TM7SF3: variants seen among roughly 807,000 people sequenced by gnomAD.
TM7SF3 encodes the protein seven span transmembrane protein.
Under a neutral mutation model 65.5 loss-of-function variants are expected in TM7SF3, and 60 were observed. That is an observed-to-expected ratio of 0.92 (90% CI 0.74 to 1.14). The LOEUF is 1.14. Among genes scored for constraint, TM7SF3 ranks in the 50% most tolerant of loss-of-function variants. The pLI is 0.00. For synonymous variants in TM7SF3, 264 were observed against 259.6 expected (o/e 1.02, Z -0.16); for missense variants, 623 against 684.8 (o/e 0.91, Z 1.01).
chr12:26,987,430 C>T (rs903298993), intron 6 of TM7SF3, among the ~76,000 whole-genome samples: 3 of 152,192 alleles, frequency 2.0e-5, no homozygotes, highest in African/African-American at 7.2e-5. Flanking sequence ...TCAAACCCCT[C>T]ATCCAATCCA....
chr12:26,977,999 T>G (rs1592271376), intron 9 of TM7SF3: 2 of 392,846 alleles, frequency 5.1e-6, no homozygotes, highest in Middle Eastern at 7.9e-4. Context: ...GGGAGGCTGA[T>G]GTAAGAGGAT....
intron 5 of TM7SF3, 118 bp downstream of exon 5, chr12:26,995,119 G>A (rs1217181768): frequency 2.0e-6 from 2 of 1,005,468 alleles, no homozygotes; most frequent in South Asian, 3.3e-5. Context: ...AGAATAAAGT[G>A]AGTGTCCCCC....
At chr12:26,985,298 A>C (rs1592281058) in intron 6 of TM7SF3, among the ~76,000 whole-genome samples, 1 of 152,076 alleles carries the variant, frequency 6.6e-6, no homozygotes, top group Non-Finnish European at 1.5e-5. Flanking sequence ...GGAGTTCAAG[A>C]CCAGCCTGGC....
intron 8 of TM7SF3, 156 bp from the exon 9 acceptor site, chr12:26,980,092 C>A (rs1237290537): frequency 1.6e-5 from 13 of 834,606 alleles, no homozygotes; most frequent in Non-Finnish European, 2.2e-5. Context: ...ATAGAGCAAC[C>A]CTCTCTAGGG....
At chr12:26,996,269 A>G (rs1354076431) in intron 4 of TM7SF3, among the ~76,000 whole-genome samples, 1 of 152,236 alleles carries the variant, frequency 6.6e-6, no homozygotes. Flanking sequence ...CCTTCTTCAT[A>G]AAATTGTTAG....
At chr12:26,995,655 AC>A (rs1046053867) in intron 4 of TM7SF3, among the ~76,000 whole-genome samples, 1 of 152,176 alleles carries the variant, frequency 6.6e-6, no homozygotes, top group African/African-American at 2.4e-5. Context: ...AGGAGGTGGG[AC>A]CTTTGGAAGG....
intron 9 of TM7SF3, chr12:26,978,791 C>A (rs1193427126): frequency 6.6e-6 from 1 of 151,194 alleles, no homozygotes; most frequent in Non-Finnish European, 1.5e-5. Flanking sequence ...ACTATGTTGC[C>A]CAGGCTGGTC....
chr12:26,979,039 G>A (rs1259406642), intron 9 of TM7SF3: 2 of 152,130 alleles, frequency 1.3e-5, no homozygotes, highest in Non-Finnish European at 2.9e-5. Flanking sequence ...AGAGAGACAA[G>A]GGACACATGA....
At chr12:27,012,288 A>G (rs1342830137) in intron 1 of TM7SF3, among the ~76,000 whole-genome samples, 2 of 152,134 alleles carry the variant, frequency 1.3e-5, no homozygotes, top group Non-Finnish European at 2.9e-5. Context: ...TGGGGATTAA[A>G]TAACACTGCA....
rs555632708 is a variant in TM7SF3, at chr12:26,992,577, T to C, written c.691-1950A>G. Among the ~76,000 whole-genome samples the C allele has an allele frequency of 1.5e-3, 223 of 152,258 alleles. 1 individual carries two copies. The highest frequency in any genetic ancestry group is 2.1e-3 in the Non-Finnish European group (146 of 68,004). ...GGGATTACAGGCGTGAGCCACCATG[T>C]CCGGCCCACAAATGCTATTTTATAA... is the stretch of plus-strand genomic sequence containing the variant. On this transcript the variant is annotated intron_variant, in intron 5 of 11. Coordinates refer to ENST00000343028, the MANE Select transcript of TM7SF3 (RefSeq NM_016551.3).
chr12:26,989,054 C>T (rs189369081), intron 6 of TM7SF3, among the ~76,000 whole-genome samples: 419 of 152,278 alleles, frequency 2.8e-3, no homozygotes, highest in Non-Finnish European at 4.8e-3. Context: ...ATATAACATA[C>T]AAAATATGTG....
intron 1 of TM7SF3, among the ~76,000 whole-genome samples, chr12:27,010,686 T>C (rs1190938692): frequency 6.6e-6 from 1 of 152,208 alleles, no homozygotes; most frequent in Non-Finnish European, 1.5e-5. Flanking sequence ...TCAAAAGATA[T>C]TACAAAGCAA....
At chr12:26,991,141 C>CTT (rs35362439) in intron 5 of TM7SF3, among the ~76,000 whole-genome samples, 1,884 of 107,424 alleles carry the variant, frequency 0.018, 36 homozygotes, top group South Asian at 0.051. Context: ...AGTAGTAGTT[C>CTT]TTTTTTTTTT....
At chr12:27,012,963 A>T in intron 1 of TM7SF3, 1 of 239,928 alleles carries the variant, frequency 4.2e-6, no homozygotes, top group South Asian at 3.8e-5. Flanking sequence ...ATGCCACTGC[A>T]CTCCAGCCTA....
In TM7SF3 at chr12:26,975,526, C is replaced by T; in HGVS notation, c.1420G>A (p.Ala474Thr). The T allele has an allele frequency of 6.2e-7, 1 of 1,614,086 alleles. No homozygotes were observed. Among genetic ancestry groups the T allele is most frequent in the Non-Finnish European group, 8.5e-7 (1 of 1,179,982 alleles). ...GTTTGAAAAGGCACATTTGTGAAAGCTCTGTGGAAATCCTTGTTGAGCGCT... is the reference window on the plus strand; with the variant it reads ...GTTTGAAAAGGCACATTTGTGAAAGTTCTGTGGAAATCCTTGTTGAGCGCT... ...KRALNKDFHRAFTNVPFQTND... is the reference protein window; with the variant it reads ...KRALNKDFHRTFTNVPFQTND... Residue 474 changes from alanine to threonine, a missense_variant, in exon 11 of 12, where the codon GCT (alanine) becomes ACT (threonine). Transcript: ENST00000343028.
At chr12:27,003,526 C>T in intron 1 of TM7SF3, 136 bp from the exon 2 acceptor site, 1 of 785,322 alleles carries the variant, frequency 1.3e-6, no homozygotes, top group South Asian at 2.0e-5. Flanking sequence ...TCCTATTTCA[C>T]TGCTAAAGAC....
At chr12:26,999,122 C>T (rs1040384777) in intron 3 of TM7SF3, among the ~76,000 whole-genome samples, 2 of 152,180 alleles carry the variant, frequency 1.3e-5, no homozygotes, top group Non-Finnish European at 2.9e-5. Context: ...ATAGGCTGGG[C>T]GCAGTGGCTC....
At chr12:26,980,453 A>G (rs1445441310) in intron 8 of TM7SF3, 113 bp downstream of exon 8, 6 of 672,454 alleles carry the variant, frequency 8.9e-6, no homozygotes, top group East Asian at 2.7e-5. Flanking sequence ...ATTATTTTAC[A>G]TAAGTAATAG....
At chr12:26,987,763 G>A (rs924088827) in intron 6 of TM7SF3, among the ~76,000 whole-genome samples, 6 of 152,124 alleles carry the variant, frequency 3.9e-5, no homozygotes, top group Non-Finnish European at 8.8e-5. Context: ...GATATTTACT[G>A]ACACTCGAAG....
Sources: gnomAD v4.1 joint callset for allele counts (sites outside exome capture counted in the v4.1 genomes callset) on GRCh38, gnomAD v4.1.1 for gene constraint, MANE v1.5 for transcripts, NCBI Gene and HGNC (gene_info 2026-07-23, HGNC 2026-07-21) for gene names.